Variants in NEUROD1 observed in about 807,000 individuals in gnomAD.
NEUROD1 encodes neuronal differentiation 1.
Under a neutral mutation model 21.8 loss-of-function variants are expected in NEUROD1, and 9 were observed. The observed-to-expected ratio is 0.41, with a 90% CI of 0.25 to 0.72. The LOEUF (loss-of-function observed/expected upper bound fraction) is 0.72. NEUROD1 is among the 30% of genes least tolerant of loss of function. The pLI is 0.31. For synonymous variants in NEUROD1, 199 were observed against 186.2 expected (o/e 1.07, Z -0.56); for missense variants, 434 against 468.8 (o/e 0.93, Z 0.69).
At chr2:181,672,560 A>G (rs1032471254), downstream of NEUROD1, among the ~76,000 whole-genome samples, 1 of 152,236 alleles carries the variant, frequency 6.6e-6, no homozygotes, top group African/African-American at 2.4e-5. Context: ...AAGTAAATAC[A>G]TAAGATAACA....
At chr2:181,675,650 G>A, downstream of NEUROD1, among the ~76,000 whole-genome samples, 1 of 145,224 alleles carries the variant, frequency 6.9e-6, no homozygotes, top group South Asian at 2.2e-4. Flanking sequence ...ATGCCAAACT[G>A]TTTTTTTTTT....
In NEUROD1 at chr2:181,678,758, C is replaced by A. The variant is rs1296580915; in HGVS notation, c.103G>T (p.Glu35Ter). The A allele has an allele frequency of 6.2e-7, 1 of 1,613,026 alleles. No individual in the cohort carries two copies. Among genetic ancestry groups the A allele is most frequent in the South Asian group, 1.1e-5 (1 of 91,006 alleles). ...ECLSSQDEEH[E>*]ADKKEDDLET... ...AGGTCGTCCTCCTTCTTGTCTGCCT[C>A]GTGCTCCTCGTCCTGAGAACTGAGA... Residue 35 changes from glutamate (E) to a stop codon, truncating the protein, a stop_gained, in exon 2 of 2, where the codon GAG becomes TAG. Coordinates refer to ENST00000295108, the MANE Select transcript of NEUROD1 (RefSeq NM_002500.5). LOFTEE classifies it high-confidence loss of function. This position sits in a 1 kb window ranked among gnomAD's most constrained non-coding sequence, Gnocchi z 5.5.
chr2:181,673,030 G>T (rs980439234), downstream of NEUROD1: 1 of 152,178 alleles, frequency 6.6e-6, no homozygotes, highest in African/African-American at 2.4e-5. Context: ...GATGGTTATT[G>T]TCACCATCCA....
chr2:181,668,713 C>T (rs1157125070), downstream of NEUROD1, among the ~76,000 whole-genome samples: 1 of 152,126 alleles, frequency 6.6e-6, no homozygotes, highest in South Asian at 2.1e-4. Flanking sequence ...CCATAAAACA[C>T]TACCACTGCT....
rs764635164 is a variant in NEUROD1 at position 181,678,347 on chromosome 2, G to A, written c.514C>T (p.Leu172Phe). The A allele has an allele frequency of 9.3e-6, 15 of 1,614,192 alleles. No homozygotes were observed. In the Admixed American group the frequency reaches 2.3e-4, roughly 25 times the overall value. The change falls in exon 2 of 2, where the codon CTT (leucine) becomes TTT (phenylalanine). Residue 172 changes from leucine to phenylalanine, a missense_variant. Leu to Phe is a conservative substitution (Grantham distance 22, BLOSUM62 0). Coordinates refer to ENST00000295108, the MANE Select transcript of NEUROD1 (RefSeq NM_002500.5). The surrounding 1 kb of genome is among the most constrained non-coding windows in gnomAD (Gnocchi z 5.5). ...GTGGGTTGGGATAAGCCCTTGCAAA[G>A]CGTCTGAACGAAGGAGACCAGGTCT... is the stretch of plus-strand genomic sequence containing the variant. ...SPDLVSFVQT[L>F]CKGLSQPTTN...
chr2:181,670,227 T>G (rs1410616352), downstream of NEUROD1, among the ~76,000 whole-genome samples: 3 of 152,140 alleles, frequency 2.0e-5, no homozygotes, highest in Non-Finnish European at 4.4e-5. Context: ...AAGATGAGAC[T>G]TTAAAAAAAT....
chr2:181,668,517 G>A (rs1574083676), downstream of NEUROD1, among the ~76,000 whole-genome samples: 1 of 151,910 alleles, frequency 6.6e-6, no homozygotes, highest in East Asian at 1.9e-4. Context: ...ACAATATTCT[G>A]CCAAAAATCT....
Position 181,678,536 on chromosome 2 carries a change from G to T in NEUROD1, c.325C>A (p.Arg109=), listed in dbSNP as rs1688634339. 1 of 1,614,072 alleles carries T rather than the reference G, an allele frequency of 6.2e-7. No individual in the cohort carries two copies. Residue 109 remains arginine, a synonymous_variant, in exon 2 of 2, where the codon CGG becomes AGG. Coordinates refer to ENST00000295108, the MANE Select transcript of NEUROD1 (RefSeq NM_002500.5). This position sits in a 1 kb window ranked among gnomAD's most constrained non-coding sequence, Gnocchi z 5.5. The stretch of plus-strand genomic sequence containing the variant: ...AGTCCGTGCATGCGGTTCCGCTCCC[G>T]GGCGTTAGCCTTCATGCGTCTCAAT... ...FKLRRMKANA[R]ERNRMHGLNA...
chr2:181,672,979 T>C (rs1688518248), downstream of NEUROD1: 2 of 152,256 alleles, frequency 1.3e-5, no homozygotes, highest in South Asian at 2.1e-4. Flanking sequence ...TCCATATCAT[T>C]TCACAATTGG....
downstream of NEUROD1, among the ~76,000 whole-genome samples, chr2:181,673,812 T>G (rs945349414): frequency 6.6e-6 from 1 of 152,200 alleles, no homozygotes; most frequent in Non-Finnish European, 1.5e-5. Flanking sequence ...ATCATTTTAG[T>G]AATTGCTAGC....
chr2:181,676,136 T>A (rs1241609827), downstream of NEUROD1, among the ~76,000 whole-genome samples: 1 of 151,886 alleles, frequency 6.6e-6, no homozygotes, highest in Non-Finnish European at 1.5e-5. Context: ...AAAAAAGAAA[T>A]AGAAGAAAAC....
Position 181,677,911 on chromosome 2 carries a change from A to G in NEUROD1, c.950T>C (p.Ile317Thr), listed in dbSNP as rs1333282525. The G allele has an allele frequency of 6.2e-7, 1 of 1,614,196 alleles. No individual in the cohort carries two copies. The highest frequency in any genetic ancestry group is 1.7e-5 in the Admixed American group (1 of 60,028). ...GCGAGGGGCAGCGGTGCCTGAGAAG[A>G]TTGATCCGTGGCTTTGGGCCCCTGC... ...TLAGAQSHGS[I>T]FSGTAAPRCE... The change falls in exon 2 of 2, where the codon ATC (isoleucine) becomes ACC (threonine). Residue 317 changes from isoleucine (I) to threonine (T), a missense_variant. Physicochemically the swap from Ile to Thr is moderately conservative, Grantham distance 89. Coordinates refer to ENST00000295108, the MANE Select transcript of NEUROD1 (RefSeq NM_002500.5).
chr2:181,675,092 T>C (rs1429179367), downstream of NEUROD1, among the ~76,000 whole-genome samples: 3 of 152,188 alleles, frequency 2.0e-5, no homozygotes, highest in Non-Finnish European at 4.4e-5. Flanking sequence ...TTATGTCTCT[T>C]AAAGTAAGAA....
At chr2:181,669,257 A>C (rs2105585290), downstream of NEUROD1, among the ~76,000 whole-genome samples, 1 of 152,308 alleles carries the variant, frequency 6.6e-6, no homozygotes, top group Admixed American at 6.5e-5. Context: ...TTAAGTTAAT[A>C]AAACCTACTT....
chr2:181,671,006 C>G (rs1688489802), exon 2 of NEUROD1, among the ~76,000 whole-genome samples: 1 of 148,714 alleles, frequency 6.7e-6, no homozygotes, highest in Non-Finnish European at 1.5e-5. Flanking sequence ...TACTACTCAA[C>G]CAAGTATAGC....
At chr2:181,676,303 C>A (rs1022003653), downstream of NEUROD1, among the ~76,000 whole-genome samples, 14 of 152,144 alleles carry the variant, frequency 9.2e-5, no homozygotes, top group African/African-American at 3.1e-4. Context: ...GAACTGGTGA[C>A]TCCCTGTGCA....
Position 181,678,587 on chromosome 2 carries a change from T to A in NEUROD1, c.274A>T (p.Thr92Ser). 1 of 1,614,054 alleles carries A rather than the reference T, an allele frequency of 6.2e-7. No homozygotes were observed. Residue 92 changes from threonine to serine, a missense_variant, in exon 2 of 2, where the codon ACT (threonine) becomes TCT (serine). Coordinates refer to ENST00000295108, the MANE Select transcript of NEUROD1 (RefSeq NM_002500.5). The surrounding 1 kb of genome is among the most constrained non-coding windows in gnomAD (Gnocchi z 5.5). ...TTAAAACGCTCCAGGCGAGCCTTAG[T>A]CATCTTCTTCTTTTTGGGGCCGCGT... Reference protein sequence around the residue: ...KRRGPKKKKMTKARLERFKLR... With the variant: ...KRRGPKKKKMSKARLERFKLR...
chr2:181,677,637 A>G lies in NEUROD1; in HGVS notation c.*153T>C. The stretch of plus-strand genomic sequence containing the variant: ...GAACTTTGATCCCCTGTTTCTTCCA[A>G]AGGCAGTAATGACAATAAATACATA... On this transcript the variant is annotated 3_prime_UTR_variant, in exon 2 of 2. Transcript: ENST00000295108. 1 of 1,367,732 alleles carries G rather than the reference A, an allele frequency of 7.3e-7. No homozygotes were observed. The highest frequency in any genetic ancestry group is 1.0e-6 in the Non-Finnish European group (1 of 996,592). The allele number at this position is 1,367,732 out of a possible 1,614,324, so 84.7% of individuals were successfully genotyped here.
At position 181,677,615 on chromosome 2, in the gene NEUROD1, C is replaced by A. The variant is rs1025569789; in HGVS notation, c.*175G>T. ...AAATAATACATAAGGTGAACAGGAA[C>A]TTTGATCCCCTGTTTCTTCCAAAGG... is the stretch of plus-strand genomic sequence containing the variant. On this transcript the variant is annotated 3_prime_UTR_variant, in exon 2 of 2. Coordinates refer to ENST00000295108, the MANE Select transcript of NEUROD1 (RefSeq NM_002500.5). The A allele has an allele frequency of 9.6e-6, 11 of 1,149,644 alleles. No individual in the cohort carries two copies. The highest frequency in any genetic ancestry group is 1.5e-5 in the South Asian group (1 of 68,358). 71.2% of individuals were successfully genotyped at this position (1,149,644 alleles called of 1,614,324 possible).
Sources: gnomAD v4.1 joint callset for allele counts (sites outside exome capture counted in the v4.1 genomes callset) on GRCh38, gnomAD v4.1.1 for gene constraint, Gnocchi (gnomAD v3.1) non-coding constraint, MANE v1.5 for transcripts, NCBI Gene and HGNC (gene_info 2026-07-23, HGNC 2026-07-21) for gene names.